The following IQCH variants were observed in gnomAD, a reference collection of about 807,000 sequenced individuals.
IQCH encodes the protein IQ domain-containing protein H.
In IQCH, 98 loss-of-function variants were observed where a neutral mutation model predicts 117.0. That is an observed-to-expected ratio of 0.84 (90% CI 0.71 to 0.99). The LOEUF is 0.99. Ranked by LOEUF, IQCH falls within the 50% of genes least tolerant of loss-of-function variation. The pLI is 0.00. For missense variants in IQCH, 1,102 were observed against 1,243.8 expected (o/e 0.89, Z 1.72); for synonymous variants, 412 against 448.2 (o/e 0.92, Z 1.02).
At position 67,261,535 on chromosome 15, in the gene IQCH, ATTTG is replaced by A; in HGVS notation, c.174+144_174+147del. 3 of 621,214 alleles carry A rather than the reference ATTTG, an allele frequency of 4.8e-6. No homozygotes were observed. The South Asian group carries it at 6.5e-5, about 13-fold the overall frequency. 38.5% of individuals were successfully genotyped at this position (621,214 alleles called of 1,614,324 possible). A position where few individuals can be genotyped will look rare whatever the true frequency, so the allele number is the denominator to read the frequency against. ...CAGTCGTCAGCATTCTTGTTTTGTT[ATTTG>A]TTCTCATAATTATTAACTGATTGAT... On this transcript the variant is annotated intron_variant, in intron 2 of 20. Transcript: ENST00000335894.
At chr15:67,441,122 C>CAAAAAAAAAAAAAAAAAAA (rs200254535) in intron 16 of IQCH, among the ~76,000 whole-genome samples, 4 of 54,006 alleles carry the variant, frequency 7.4e-5, no homozygotes, top group Admixed American at 2.1e-4. Flanking sequence ...GCAATAGCTG[C>CAAAAAAAAAAAAAAAAAAA]AAAAAAAAAA....
At chr15:67,262,055 T>C (rs1207809424) in intron 2 of IQCH, among the ~76,000 whole-genome samples, 3 of 151,906 alleles carry the variant, frequency 2.0e-5, no homozygotes, top group Non-Finnish European at 4.4e-5. Flanking sequence ...CCCCACTGCA[T>C]TTCAGCCTGG....
intron 6 of IQCH, among the ~76,000 whole-genome samples, chr15:67,345,283 G>A (rs997656740): frequency 2.6e-5 from 4 of 152,076 alleles, no homozygotes; most frequent in African/African-American, 4.8e-5. Context: ...GAGCCAGCGC[G>A]CCCAGCCCCA....
In IQCH at chr15:67,318,202, G is replaced by A. The variant is rs750035850; in HGVS notation, c.388-18773G>A. On this transcript the variant is annotated intron_variant, in intron 4 of 20. Coordinates refer to ENST00000335894, the MANE Select transcript of IQCH (RefSeq NM_001031715.3). ...TTGGATGTATGATCTTTCTCCCTTC[G>A]TCCTTCTTGCCTTCCTTTCCTTCCT... Among the ~76,000 whole-genome samples the A allele has an allele frequency of 2.6e-5, 4 of 151,568 alleles. No individual in the cohort carries two copies. In the East Asian group the frequency reaches 5.8e-4, roughly 22 times the overall value.
intron 10 of IQCH, among the ~76,000 whole-genome samples, chr15:67,382,443 T>G (rs1746685892): frequency 6.6e-6 from 1 of 152,224 alleles, no homozygotes; most frequent in Admixed American, 6.5e-5. Flanking sequence ...TATTTCTCCT[T>G]TGTCATGTAA....
At chr15:67,419,060 A>T (rs1791197369) in intron 15 of IQCH, among the ~76,000 whole-genome samples, 1 of 152,152 alleles carries the variant, frequency 6.6e-6, no homozygotes, top group Admixed American at 6.5e-5. Context: ...GTCTCATCTG[A>T]GCTGTATAAC....
Position 67,359,816 on chromosome 15 carries a change from GA to G in IQCH, c.715-30del. On this transcript the variant is annotated intron_variant, in intron 7 of 20. Coordinates refer to ENST00000335894, the MANE Select transcript of IQCH (RefSeq NM_001031715.3). The surrounding 1 kb of genome is among the most constrained non-coding windows in gnomAD (Gnocchi z 4.5). ...TAAAATTGCCCATGAGAGTCGTTTT[GA>G]TTTAAACTGTGTCTCATTCTTCATT... 8.4e-7 allele frequency: 1 copy of G among 1,196,616 alleles called. No individual in the cohort carries two copies. Among genetic ancestry groups the G allele is most frequent in the Non-Finnish European group, 1.2e-6 (1 of 819,446 alleles). 74.1% of individuals were successfully genotyped at this position (1,196,616 alleles called of 1,614,324 possible).
chr15:67,345,664 G>A (rs1339884792), intron 6 of IQCH, among the ~76,000 whole-genome samples: 2 of 152,240 alleles, frequency 1.3e-5, no homozygotes, highest in Admixed American at 6.5e-5. Context: ...ATACTGTCAC[G>A]GTCATGAAAA....
intron 18 of IQCH, among the ~76,000 whole-genome samples, chr15:67,477,583 T>C (rs2141053175): frequency 6.6e-6 from 1 of 152,312 alleles, no homozygotes; most frequent in Admixed American, 6.5e-5. Context: ...ATTGAACTGA[T>C]TTACCTGAAA....
At chr15:67,363,108 A>G (rs1970204094) in intron 8 of IQCH, among the ~76,000 whole-genome samples, 1 of 152,222 alleles carries the variant, frequency 6.6e-6, no homozygotes, top group Non-Finnish European at 1.5e-5. Context: ...TTTTAGACTC[A>G]TTCTCTCTCA....
At chr15:67,442,453 G>C (rs1170132232) in intron 16 of IQCH, among the ~76,000 whole-genome samples, 2 of 151,656 alleles carry the variant, frequency 1.3e-5, no homozygotes, top group Admixed American at 1.3e-4. Flanking sequence ...AATGTTCAGG[G>C]AAATGCAAAT....
In IQCH at chr15:67,395,389, C is replaced by T. The variant is rs148305719; in HGVS notation, c.1731C>T (p.Ser577=). The T allele has an allele frequency of 1.7e-5, 28 of 1,614,010 alleles. No homozygotes were observed. The highest frequency in any genetic ancestry group is 8.3e-5 in the Admixed American group (5 of 60,010). ...LIRGTEAYIV[S]GLLHRDDLAV... ...GAGGAACAGAGGCCTACATCGTCAG[C>T]GGGCTCCTCCACAGAGATGATTTAG... The change falls in exon 13 of 21, where the codon AGC becomes AGT. Residue 577 remains serine, a synonymous_variant. Coordinates refer to ENST00000335894, the MANE Select transcript of IQCH (RefSeq NM_001031715.3). The surrounding 1 kb of genome is among the most constrained non-coding windows in gnomAD (Gnocchi z 4.0).
intron 16 of IQCH, among the ~76,000 whole-genome samples, chr15:67,442,929 T>C (rs2140971426): frequency 6.6e-6 from 1 of 151,070 alleles, no homozygotes; most frequent in East Asian, 1.9e-4. Flanking sequence ...GATGGAATAC[T>C]ATGCAGCCAT....
In IQCH at chr15:67,454,577, T is replaced by G. The variant is rs2082617284; in HGVS notation, c.2506-10550T>G. Among the ~76,000 whole-genome samples, 2 of 152,304 alleles carry G rather than the reference T, an allele frequency of 1.3e-5. No individual in the cohort carries two copies. Among genetic ancestry groups the G allele is most frequent in the East Asian group, 3.8e-4 (2 of 5,196 alleles). ...GAAGTCACTCCCCATACCTCCTTCC[T>G]CACAGCCACTGGAAAACATTTTCCA... On this transcript the variant is annotated intron_variant, in intron 16 of 20. Coordinates refer to ENST00000335894, the MANE Select transcript of IQCH (RefSeq NM_001031715.3). The surrounding 1 kb of genome is among the most constrained non-coding windows in gnomAD (Gnocchi z 5.2).
intron 9 of IQCH, 149 bp from the exon 10 acceptor site, chr15:67,373,218 T>C: frequency 1.8e-6 from 1 of 562,998 alleles, no homozygotes; most frequent in Non-Finnish European, 3.1e-6. Flanking sequence ...CTAATTAAAT[T>C]AATTGGGGAA....
chr15:67,321,544 TC>T (rs1968134803), intron 4 of IQCH, among the ~76,000 whole-genome samples: 2 of 151,060 alleles, frequency 1.3e-5, no homozygotes, highest in Admixed American at 6.6e-5. Flanking sequence ...CTTCCTTCCT[TC>T]CTTTCTTTCC....
At chr15:67,303,545 A>G (rs1425793491) in intron 4 of IQCH, among the ~76,000 whole-genome samples, 1 of 152,170 alleles carries the variant, frequency 6.6e-6, no homozygotes, top group East Asian at 1.9e-4. Flanking sequence ...AAGCTTGGGC[A>G]TGGTTCCTCA....
Position 67,254,922 on chromosome 15 carries a change from A to G in IQCH, c.26A>G (p.Asp9Gly). 1.2e-6 allele frequency: 2 copies of G among 1,613,618 alleles called. No individual in the cohort carries two copies. Among genetic ancestry groups the G allele is most frequent in the South Asian group, 1.1e-5 (1 of 91,020 alleles). The change falls in exon 1 of 21, where the codon GAC (aspartate) becomes GGC (glycine). Residue 9 changes from aspartate to glycine, a missense_variant. Physicochemically the swap from Asp to Gly is moderately conservative, Grantham distance 94. Around this residue, in one of 2 missense-constraint regions of IQCH, gnomAD observed 452 missense variants for 449.6 expected, o/e 1.01. Transcript: ENST00000335894. ...ATGGCACAGAACACTGAAAACCACG[A>G]CCCTGTCGGATCCATCTTAATCCAG... is the stretch of plus-strand genomic sequence containing the variant. MAQNTENH[D>G]PVGSILIQIH...
chr15:67,374,938 G>T (rs1336681904), intron 10 of IQCH, among the ~76,000 whole-genome samples: 1 of 151,984 alleles, frequency 6.6e-6, no homozygotes, highest in African/African-American at 2.4e-5. Flanking sequence ...TCTATACAGG[G>T]CCCCCCACTT....
Sources: allele counts gnomAD v4.1 joint callset (sites outside exome capture counted in the v4.1 genomes callset), GRCh38; gene constraint gnomAD v4.1.1; regional missense constraint gnomAD v4.1.1; non-coding constraint Gnocchi (gnomAD v3.1); transcripts MANE v1.5; gene names NCBI Gene and HGNC (gene_info 2026-07-23, HGNC 2026-07-21).